ZSCAN25: variants seen among roughly 807,000 people sequenced by gnomAD.
The protein encoded by ZSCAN25 is zinc finger and SCAN domain-containing protein 25.
ZSCAN25 carries 27 observed loss-of-function variants against 38.7 expected under a neutral mutation model. The ratio of observed to expected loss-of-function variants is 0.70; its 90% CI spans 0.51 to 0.96. The LOEUF is 0.96. Among genes scored for constraint, ZSCAN25 ranks in the 40% least tolerant of loss-of-function variants. ZSCAN25 has a pLI of 0.00. For missense variants in ZSCAN25, 637 were observed against 705.9 expected (o/e 0.90, Z 1.11); for synonymous variants, 273 against 277.7 (o/e 0.98, Z 0.17).
chr7:99,648,163 G>C, the ZSCAN25 span: 16 of 1,405,904 alleles, frequency 1.1e-5, no homozygotes, highest in East Asian at 4.0e-4. Flanking sequence ...AGAGCTCAAT[G>C]AATGTACAAA....
At chr7:99,671,482 T>C in the ZSCAN25 span, 1 of 255,058 alleles carries the variant, frequency 3.9e-6, no homozygotes. Flanking sequence ...CAGCTGAGTT[T>C]TGACAATATG....
intron 5 of ZSCAN25, 168 bp from the exon 6 acceptor site, chr7:99,622,381 C>T: frequency 1.4e-6 from 1 of 695,612 alleles, no homozygotes; most frequent in South Asian, 1.5e-5. Context: ...AAGGGACACC[C>T]AGGCCCCTGT....
At chr7:99,717,444 A>G in the ZSCAN25 span, 19 of 1,592,924 alleles carry the variant, frequency 1.2e-5, no homozygotes, top group Non-Finnish European at 1.6e-5. Context: ...CTCCTCGGAA[A>G]GGAACTCTGA....
the ZSCAN25 span, among the ~76,000 whole-genome samples, chr7:99,657,721 T>G: frequency 6.6e-6 from 1 of 152,210 alleles, no homozygotes; most frequent in Non-Finnish European, 1.5e-5. Flanking sequence ...GGAGTCTAAC[T>G]CTCTTTGTAA....
chr7:99,730,793 C>T, the ZSCAN25 span: 2 of 435,234 alleles, frequency 4.6e-6, no homozygotes, highest in South Asian at 5.0e-5. Flanking sequence ...TTATGGTGCT[C>T]ACAAAGTCTG....
chr7:99,624,311 C>G (rs138983688), intron 7 of ZSCAN25, 131 bp downstream of exon 7: 2 of 1,136,584 alleles, frequency 1.8e-6, no homozygotes, highest in African/African-American at 3.1e-5. Context: ...GGGTCCAGCA[C>G]GGACCATGGG....
chr7:99,656,768 T>G, the ZSCAN25 span, among the ~76,000 whole-genome samples: 1 of 152,218 alleles, frequency 6.6e-6, no homozygotes, highest in East Asian at 1.9e-4. Context: ...AACCTGTTAT[T>G]GGTCTATTCA....
chr7:99,678,283 G>A, the ZSCAN25 span, among the ~76,000 whole-genome samples: 3 of 152,298 alleles, frequency 2.0e-5, no homozygotes, highest in Admixed American at 6.5e-5. Flanking sequence ...TGACCTCCAC[G>A]GTGGGGCCAG....
the ZSCAN25 span, chr7:99,672,964 T>C: frequency 9.0e-7 from 1 of 1,112,020 alleles, no homozygotes; most frequent in East Asian, 4.4e-5. Context: ...GAAATGACAG[T>C]AGAGCATTCG....
At position 99,619,926 on chromosome 7, in the gene ZSCAN25, C is replaced by T. The variant is rs748057176; in HGVS notation, c.320C>T (p.Pro107Leu). Residue 107 changes from proline to leucine, a missense_variant, in exon 4 of 8, where the codon CCA (proline) becomes CTA (leucine). By Grantham distance (98) the Pro-to-Leu change is moderately conservative (BLOSUM62 -3). Transcript: ENST00000394152. ...EFYAWIREHG[P>L]ESGKALAAMV... The stretch of plus-strand genomic sequence containing the variant: ...TACGCCTGGATCCGGGAGCATGGCC[C>T]AGAGAGTGGCAAGGCCCTGGCCGCC... 6.2e-7 allele frequency: 1 copy of T among 1,614,216 alleles called. No homozygotes were observed. Among genetic ancestry groups the T allele is most frequent in the Non-Finnish European group, 8.5e-7 (1 of 1,180,046 alleles).
chr7:99,673,699 T>G, the ZSCAN25 span, among the ~76,000 whole-genome samples: 1 of 152,164 alleles, frequency 6.6e-6, no homozygotes, highest in Non-Finnish European at 1.5e-5. Flanking sequence ...GGCTTTTAAT[T>G]GAAAGTGAAT....
the ZSCAN25 span, chr7:99,667,200 A>T: frequency 1.7e-6 from 1 of 585,252 alleles, no homozygotes; most frequent in South Asian, 2.3e-5. Flanking sequence ...GCCATATTCA[A>T]GATGCTCAAT....
the ZSCAN25 span, among the ~76,000 whole-genome samples, chr7:99,718,537 C>G: frequency 3.4e-4 from 51 of 152,180 alleles, no homozygotes; most frequent in African/African-American, 1.2e-3. Flanking sequence ...GAAAATTCCT[C>G]CATTTGATAA....
the ZSCAN25 span, chr7:99,705,487 G>A: frequency 6.2e-7 from 1 of 1,612,886 alleles, no homozygotes; most frequent in Non-Finnish European, 8.5e-7. Flanking sequence ...CAAACCAGAA[G>A]TCCTTAGGGA....
Position 99,631,701 on chromosome 7 carries a change from G to A in ZSCAN25, c.*1681G>A, listed in dbSNP as rs1808010773. On this transcript the variant is annotated 3_prime_UTR_variant, in exon 8 of 8. Transcript: ENST00000394152. The stretch of plus-strand genomic sequence containing the variant: ...TGTATTACTCAGCCCACTTTGAAAC[G>A]TGGTTTTATCACCTGTTCTTGTTAG... 4.1e-6 allele frequency: 4 copies of A among 985,094 alleles called. No individual in the cohort carries two copies. The African/African-American group carries it at 7.0e-5, about 17-fold the overall frequency. The allele number at this position is 985,094 out of a possible 1,614,324, so 61.0% of individuals were successfully genotyped here.
the ZSCAN25 span, chr7:99,650,117 T>C: frequency 1.2e-6 from 2 of 1,614,072 alleles, no homozygotes; most frequent in African/African-American, 1.3e-5. Context: ...TGAAGGACTC[T>C]GATTAGAGCA....
the ZSCAN25 span, chr7:99,695,624 T>C: frequency 1.2e-6 from 1 of 816,024 alleles, no homozygotes; most frequent in Non-Finnish European, 2.0e-6. Context: ...ATGATGCCTA[T>C]ACACTGTTTC....
At chr7:99,732,453 G>A in the ZSCAN25 span, among the ~76,000 whole-genome samples, 4 of 151,744 alleles carry the variant, frequency 2.6e-5, no homozygotes, top group African/African-American at 7.3e-5. Context: ...TTTTTTCAAG[G>A]TGATCAATTA....
At chr7:99,715,982 C>T in the ZSCAN25 span, 3 of 1,610,800 alleles carry the variant, frequency 1.9e-6, no homozygotes, top group African/African-American at 1.3e-5. Flanking sequence ...AGCAGGAAAT[C>T]CACATGTCCA....
Sources: gnomAD v4.1 joint callset for allele counts (sites outside exome capture counted in the v4.1 genomes callset) on GRCh38, gnomAD v4.1.1 for gene constraint, MANE v1.5 for transcripts, NCBI Gene and HGNC (gene_info 2026-07-23, HGNC 2026-07-21) for gene names.